The following DIS3 variants were observed in gnomAD, a reference collection of about 807,000 sequenced individuals.
DIS3 encodes the protein exosome complex exonuclease RRP44.
In DIS3, 103 loss-of-function variants were observed where a neutral mutation model predicts 113.0. The observed-to-expected ratio is 0.91, with a 90% CI of 0.78 to 1.07. The LOEUF (loss-of-function observed/expected upper bound fraction) is 1.07. DIS3 is among the 50% of genes least tolerant of loss of function. The pLI, the probability that DIS3 is intolerant of heterozygous loss-of-function variation, is 0.00. For missense variants in DIS3, 1,121 were observed against 1,167.1 expected, an observed-to-expected ratio of 0.96 and a Z score of 0.58; for synonymous variants, 402 against 394.3, an observed-to-expected ratio of 1.02 and a Z score of -0.23.
intron 19 of DIS3, 82 bp downstream of exon 19, chr13:72,761,281 T>C: frequency 6.7e-7 from 1 of 1,489,940 alleles, no homozygotes; most frequent in South Asian, 1.3e-5. Context: ...AAAAATAATT[T>C]TATGCTTTAT....
At chr13:72,766,946 C>A (rs2033763026) in intron 14 of DIS3, among the ~76,000 whole-genome samples, 1 of 152,162 alleles carries the variant, frequency 6.6e-6, no homozygotes, top group Non-Finnish European at 1.5e-5. Context: ...AGTAGGAACA[C>A]ATACTAAAAA....
chr13:72,754,956 C>T lies in DIS3; in HGVS notation c.*4839G>A. 1.9e-6 allele frequency: 1 copy of T among 516,684 alleles called. No individual in the cohort carries two copies. The highest frequency in any genetic ancestry group is 3.4e-6 in the Non-Finnish European group (1 of 290,354). 32.0% of individuals were successfully genotyped at this position (516,684 alleles called of 1,614,324 possible). ...CCCAAACTCCTGGGCTCGTGCGATCCTCCCACCTTGGCCTCTCAAAGTGTT... is the reference window on the plus strand; with the variant it reads ...CCCAAACTCCTGGGCTCGTGCGATCTTCCCACCTTGGCCTCTCAAAGTGTT... On this transcript the variant is annotated 3_prime_UTR_variant, in exon 21 of 21. Transcript: ENST00000377767.
At chr13:72,775,407 A>G in intron 5 of DIS3, 32 bp from the exon 6 acceptor site, 12 of 1,554,196 alleles carry the variant, frequency 7.7e-6, no homozygotes, top group Non-Finnish European at 1.0e-5. Flanking sequence ...ACGTGCCCAA[A>G]TTATTTTTAA....
At chr13:72,772,366 C>T in intron 9 of DIS3, 91 bp from the exon 10 acceptor site, 1 of 999,966 alleles carries the variant, frequency 1.0e-6, no homozygotes, top group Non-Finnish European at 1.5e-6. Context: ...AATATGTATA[C>T]AAAAACAATT....
chr13:72,754,234 T>C lies in DIS3; in HGVS notation c.*5561A>G, dbSNP rs184258977. 7.1e-3 allele frequency: 1,114 copies of C among 157,194 alleles called. 18 individuals carry two copies. Among genetic ancestry groups the C allele is most frequent in the African/African-American group, 0.026 (1,074 of 41,572 alleles). The allele number at this position is 157,194 out of a possible 1,614,324, so 9.7% of individuals were successfully genotyped here. A position where few individuals can be genotyped will look rare whatever the true frequency, so the allele number is the denominator to read the frequency against. ...CAAACTCCTGGTGTCAAGCAGTCTTTCTGCCTCAGCCTCGCAAAGTGCTGC... is the reference window on the plus strand; with the variant it reads ...CAAACTCCTGGTGTCAAGCAGTCTTCCTGCCTCAGCCTCGCAAAGTGCTGC... On this transcript the variant is annotated 3_prime_UTR_variant, in exon 21 of 21. Coordinates refer to ENST00000377767, the MANE Select transcript of DIS3 (RefSeq NM_014953.5).
rs779735832 is a variant in DIS3, at chr13:72,780,891, T to A, written c.341A>T (p.Asn114Ile). The A allele has an allele frequency of 6.8e-6, 11 of 1,612,812 alleles. No homozygotes were observed. The East Asian group carries it at 1.1e-4, about 16-fold the overall frequency. ...PVYKRIRDVTNNQEKHFYTFT... is the reference protein window; with the variant it reads ...PVYKRIRDVTINQEKHFYTFT... ...AGTATAGAAATGCTTCTCTTGGTTA[T>A]TAGTCACATCTCGGATGCGTTTATA... is the stretch of plus-strand genomic sequence containing the variant. Residue 114 changes from asparagine (N) to isoleucine (I), a missense_variant, in exon 2 of 21, where the codon AAT (asparagine) becomes ATT (isoleucine). By Grantham distance (149) the Asn-to-Ile change is moderately radical. This residue lies in a region of DIS3 where 254 missense variants were observed against 232.2 expected (regional missense o/e 1.09). Coordinates refer to ENST00000377767, the MANE Select transcript of DIS3 (RefSeq NM_014953.5).
rs769846980 is a variant in DIS3, at chr13:72,773,959, G to T, written c.1088C>A (p.Ser363Tyr). The T allele has an allele frequency of 9.3e-6, 15 of 1,608,934 alleles. No homozygotes were observed. The highest frequency in any genetic ancestry group is 4.0e-5 in the African/African-American group (3 of 74,506). Residue 363 changes from serine to tyrosine, a missense_variant, in exon 7 of 21, where the codon TCT (serine) becomes TAT (tyrosine). Physicochemically the swap from Ser to Tyr is moderately radical, Grantham distance 144 (BLOSUM62 -2). This residue lies in a region of DIS3 where 861 missense variants were observed against 915.5 expected (regional missense o/e 0.94). Transcript: ENST00000377767. ...WRPYCGMLSK[S>Y]DIKESRRHLF... ...CTCTTTACTCACCTCCTTAATGTCA[G>T]ACTTGGAAAGCATGCCACAATATGG...
rs993066085 is a variant in DIS3 at position 72,753,925 on chromosome 13, A to C, written c.*5870T>G. On this transcript the variant is annotated 3_prime_UTR_variant, in exon 21 of 21. Coordinates refer to ENST00000377767, the MANE Select transcript of DIS3 (RefSeq NM_014953.5). ...CTATTGAGAAACTATATGAAATTTA[A>C]AACACTAAAAGGTAAGCCTGTTTTC... 2.6e-5 allele frequency: 30 copies of C among 1,174,696 alleles called. 1 individual carries two copies. In the African/African-American group the frequency reaches 3.0e-4, roughly 12 times the overall value. 72.8% of individuals were successfully genotyped at this position (1,174,696 alleles called of 1,614,324 possible).
At chr13:72,767,310 G>C (rs796593731) in intron 14 of DIS3, among the ~76,000 whole-genome samples, 1 of 151,858 alleles carries the variant, frequency 6.6e-6, no homozygotes, top group East Asian at 1.9e-4. Flanking sequence ...TTACAAATGC[G>C]AATTCTTACT....
At chr13:72,768,477 C>T (rs536536881) in intron 14 of DIS3, among the ~76,000 whole-genome samples, 1 of 152,262 alleles carries the variant, frequency 6.6e-6, no homozygotes, top group East Asian at 1.9e-4. Flanking sequence ...AGGTGAAACT[C>T]CATATCTACT....
chr13:72,752,806 A>G lies in DIS3; in HGVS notation c.*6989T>C, dbSNP rs2138110316. 1 of 152,228 alleles carries G rather than the reference A, an allele frequency of 6.6e-6. No individual in the cohort carries two copies. The highest frequency in any genetic ancestry group is 1.5e-5 in the Non-Finnish European group (1 of 68,012). The allele number at this position is 152,228 out of a possible 1,614,324, so 9.4% of individuals were successfully genotyped here. ...GAGTGCCGTTTCTAGGCTAGTCTGT[A>G]CCTTTGTGAGGGAAACAAAATGACA... is the stretch of plus-strand genomic sequence containing the variant. On this transcript the variant is annotated 3_prime_UTR_variant, in exon 21 of 21. Coordinates refer to ENST00000377767, the MANE Select transcript of DIS3 (RefSeq NM_014953.5).
Position 72,772,160 on chromosome 13 carries a change from T to C in DIS3, c.1502A>G (p.Glu501Gly). 6.2e-7 allele frequency: 1 copy of C among 1,609,726 alleles called. No individual in the cohort carries two copies. ...AAGAACACTATTACATATGAATACCTCCAAATTTCCATTTTCGAGTTCTCG... is the reference window on the plus strand; with the variant it reads ...AAGAACACTATTACATATGAATACCCCCAAATTTCCATTTTCGAGTTCTCG... ...HCRELENGNL[E>G]VGVHIADVSH... The change falls in exon 10 of 21, where the codon GAG (glutamate) becomes GGG (glycine). Residue 501 changes from glutamate (E) to glycine (G), a missense_variant and splice_region_variant. This residue lies in a region of DIS3 where 861 missense variants were observed against 915.5 expected (regional missense o/e 0.94). Transcript: ENST00000377767.
In DIS3 at chr13:72,753,061, G is replaced by A. The variant is rs2033321667; in HGVS notation, c.*6734C>T. On this transcript the variant is annotated 3_prime_UTR_variant, in exon 21 of 21. Transcript: ENST00000377767. ...TTTCCTTCTCTAGTAAAGTATTAGG[G>A]TTGTTGAAAGGAGAAAAAAATATTA... The A allele has an allele frequency of 6.6e-6, 1 of 152,158 alleles. No individual in the cohort carries two copies. 9.4% of individuals were successfully genotyped at this position (152,158 alleles called of 1,614,324 possible). A position where few individuals can be genotyped will look rare whatever the true frequency, so the allele number is the denominator to read the frequency against.
chr13:72,765,878 T>G (rs762825395), intron 15 of DIS3, 94 bp downstream of exon 15: 18 of 843,420 alleles, frequency 2.1e-5, no homozygotes, highest in Non-Finnish European at 2.7e-5. Context: ...AATCATTATT[T>G]TGTATATAAA....
Position 72,778,392 on chromosome 13 carries a change from G to T in DIS3, c.387-12C>A, listed in dbSNP as rs1240085672. On this transcript the variant is annotated splice_polypyrimidine_tract_variant and intron_variant, in intron 2 of 20. Coordinates refer to ENST00000377767, the MANE Select transcript of DIS3 (RefSeq NM_014953.5). ...CTACATAGGTTTCTCTAAATGGAAA[G>T]AAAAAACGAAATAAAAGGAAATCAG... 6.6e-7 allele frequency: 1 copy of T among 1,525,426 alleles called. No homozygotes were observed. The highest frequency in any genetic ancestry group is 2.3e-5 in the East Asian group (1 of 43,696). The allele number at this position is 1,525,426 out of a possible 1,614,324, so 94.5% of individuals were successfully genotyped here.
At chr13:72,773,652 A>G (rs577471773) in intron 8 of DIS3, 32 bp downstream of exon 8, 1 of 1,582,302 alleles carries the variant, frequency 6.3e-7, no homozygotes, top group African/African-American at 1.4e-5. Context: ...TTAATTAAAC[A>G]TCCCCACATA....
Position 72,771,065 on chromosome 13 carries a change from A to C in DIS3, c.1670+16T>G, listed in dbSNP as rs2033874903. 6.2e-7 allele frequency: 1 copy of C among 1,612,554 alleles called. No individual in the cohort carries two copies. The highest frequency in any genetic ancestry group is 8.5e-7 in the Non-Finnish European group (1 of 1,179,290). On this transcript the variant is annotated intron_variant, in intron 12 of 20. Coordinates refer to ENST00000377767, the MANE Select transcript of DIS3 (RefSeq NM_014953.5). ...AAATACAATGTCTTCAAGGAAAAAA[A>C]ACCATGCAGAAATACCTGTCCACGT...
chr13:72,772,232 C>T lies in DIS3; in HGVS notation c.1430G>A (p.Ser477Asn). The T allele has an allele frequency of 6.2e-7, 1 of 1,613,368 alleles. No individual in the cohort carries two copies. Among genetic ancestry groups the T allele is most frequent in the East Asian group, 2.2e-5 (1 of 44,850 alleles). ...ATCAGTACATCCTGGTGGGTCTACA[C>T]TACAAATACACAGATGCCTCAGGTC... ...REDLRHLCIC[S>N]VDPPGCTDID... is the part of the protein sequence containing the mutation. Residue 477 changes from serine (S) to asparagine (N), a missense_variant, in exon 10 of 21, where the codon AGT becomes AAT. Transcript: ENST00000377767.
intron 16 of DIS3, among the ~76,000 whole-genome samples, chr13:72,762,788 G>C (rs1033409759): frequency 6.7e-6 from 1 of 149,890 alleles, no homozygotes; most frequent in African/African-American, 2.5e-5. Context: ...CTTTTCTTAC[G>C]AACAAGAAAT....
Sources: allele counts gnomAD v4.1 joint callset (sites outside exome capture counted in the v4.1 genomes callset), GRCh38; gene constraint gnomAD v4.1.1; regional missense constraint gnomAD v4.1.1; transcripts MANE v1.5; gene names NCBI Gene and HGNC (gene_info 2026-07-23, HGNC 2026-07-21).